Variants in MGAT4C observed in about 807,000 individuals in gnomAD.
MGAT4C encodes MGAT4 family member C, also known as alpha-1,3-mannosyl-glycoprotein 4-beta-N-acetylglucosaminyltransferase C.
Under a neutral mutation model 40.1 loss-of-function variants are expected in MGAT4C, and 19 were observed. The observed-to-expected ratio is 0.47, with a 90% confidence interval of 0.33 to 0.70. MGAT4C has a LOEUF of 0.70. MGAT4C is among the 30% of genes least tolerant of loss of function. MGAT4C has a pLI of 0.02. For synonymous variants in MGAT4C, 181 were observed against 187.1 expected (o/e 0.97, Z 0.27); for missense variants, 491 against 563.2 (o/e 0.87, Z 1.30).
At chr12:86,372,845 C>A (rs1289126341) in intron 3 of MGAT4C, among the ~76,000 whole-genome samples, 1 of 151,590 alleles carries the variant, frequency 6.6e-6, no homozygotes, top group Non-Finnish European at 1.5e-5. Flanking sequence ...TTGTCACACC[C>A]AAACTATCAA....
chr12:86,747,121 A>C (rs1951164554), intron 1 of MGAT4C, among the ~76,000 whole-genome samples: 1 of 151,646 alleles, frequency 6.6e-6, no homozygotes. Flanking sequence ...AATCTCTGAT[A>C]AACTCAGAGC....
chr12:86,490,128 C>A (rs193140263), intron 2 of MGAT4C, among the ~76,000 whole-genome samples: 1,544 of 152,192 alleles, frequency 0.01, 18 homozygotes, highest in East Asian at 0.044. Context: ...TTGTCAGATT[C>A]ACCAAAGTTG....
chr12:86,755,798 C>A (rs896537942), intron 1 of MGAT4C, among the ~76,000 whole-genome samples: 1 of 151,782 alleles, frequency 6.6e-6, no homozygotes, highest in African/African-American at 2.4e-5. Flanking sequence ...GTGCATGTGC[C>A]ACCATGCCCT....
At chr12:86,757,583 T>A (rs943671548) in intron 1 of MGAT4C, among the ~76,000 whole-genome samples, 1 of 152,104 alleles carries the variant, frequency 6.6e-6, no homozygotes, top group African/African-American at 2.4e-5. Flanking sequence ...GCTACCAGAG[T>A]GATTTGAAAA....
intron 2 of MGAT4C, among the ~76,000 whole-genome samples, chr12:86,701,009 G>T (rs1372204437): frequency 2.0e-5 from 3 of 151,978 alleles, no homozygotes; most frequent in African/African-American, 7.2e-5. Flanking sequence ...ATATTAAAAA[G>T]TTAACAACAG....
chr12:86,700,220 T>C (rs1294441715), intron 2 of MGAT4C, among the ~76,000 whole-genome samples: 1 of 150,438 alleles, frequency 6.6e-6, no homozygotes, highest in Non-Finnish European at 1.5e-5. Flanking sequence ...TAGATTAGGC[T>C]TTAGCATAAA....
intron 1 of MGAT4C, among the ~76,000 whole-genome samples, chr12:86,781,807 T>C (rs567353053): frequency 1.3e-5 from 2 of 152,314 alleles, no homozygotes; most frequent in African/African-American, 4.8e-5. Context: ...AGCTGGATAA[T>C]TTCCATAGTT....
At chr12:86,823,419 A>G (rs192807991) in intron 1 of MGAT4C, among the ~76,000 whole-genome samples, 1 of 151,402 alleles carries the variant, frequency 6.6e-6, no homozygotes, top group Admixed American at 6.6e-5. Context: ...ATTTCATGTA[A>G]TTATCTGTTA....
chr12:86,256,967 CTGTT>C (rs1185295271), upstream of MGAT4C, among the ~76,000 whole-genome samples: 2 of 152,134 alleles, frequency 1.3e-5, no homozygotes, highest in Admixed American at 6.5e-5. Flanking sequence ...GTGTTAAACA[CTGTT>C]TGCAAAGTTT....
At chr12:86,401,942 C>A (rs1212978335) in intron 3 of MGAT4C, among the ~76,000 whole-genome samples, 1 of 152,024 alleles carries the variant, frequency 6.6e-6, no homozygotes, top group Non-Finnish European at 1.5e-5. Flanking sequence ...TGTACAAGCG[C>A]TTACAAACAT....
At chr12:86,728,246 G>A (rs1415536208) in intron 1 of MGAT4C, among the ~76,000 whole-genome samples, 1 of 152,122 alleles carries the variant, frequency 6.6e-6, no homozygotes, top group Non-Finnish European at 1.5e-5. Flanking sequence ...TAGTCAAGAA[G>A]TAAGAAAATT....
intron 1 of MGAT4C, among the ~76,000 whole-genome samples, chr12:86,800,095 C>T (rs997028627): frequency 4.0e-5 from 6 of 151,880 alleles, no homozygotes; most frequent in African/African-American, 1.4e-4. Flanking sequence ...GGGCAATTAA[C>T]GTTGGAAGAT....
intron 2 of MGAT4C, among the ~76,000 whole-genome samples, chr12:86,028,491 CT>C (rs1325703047): frequency 6.6e-6 from 1 of 151,884 alleles, no homozygotes; most frequent in Non-Finnish European, 1.5e-5. Context: ...CTTTACACAA[CT>C]TTTTTTTCCC....
In MGAT4C at chr12:86,821,507, A is replaced by AT. The variant is rs1952706363; in HGVS notation, c.-262+17158dup. On this transcript the variant is annotated intron_variant, in intron 1 of 7. Transcript: ENST00000548651. ...GTTATCATTTCTTTGTGTTAGGAACATTTTAATTCCACTCTTTTAGTTATT... is the reference window on the plus strand; with the variant it reads ...GTTATCATTTCTTTGTGTTAGGAACATTTTTAATTCCACTCTTTTAGTTATT... 2.0e-5 allele frequency among the ~76,000 whole-genome samples: 3 copies of AT among 150,866 alleles called. No individual in the cohort carries two copies. The South Asian group carries it at 6.2e-4, about 31-fold the overall frequency.
chr12:86,567,265 A>G (rs1960174138), intron 2 of MGAT4C, among the ~76,000 whole-genome samples: 1 of 152,092 alleles, frequency 6.6e-6, no homozygotes, highest in African/African-American at 2.4e-5. Flanking sequence ...TGTTCCTGTG[A>G]CATTACGTTC....
At chr12:86,043,444 G>A (rs919606602) in intron 2 of MGAT4C, among the ~76,000 whole-genome samples, 7 of 152,152 alleles carry the variant, frequency 4.6e-5, no homozygotes, top group African/African-American at 1.7e-4. Flanking sequence ...TCAAGGTCAG[G>A]AAGCATCCAG....
At chr12:86,259,915 T>C (rs1001978941), upstream of MGAT4C, among the ~76,000 whole-genome samples, 6 of 4,576 alleles carry the variant, frequency 1.3e-3, no homozygotes, top group Non-Finnish European at 2.2e-3. Flanking sequence ...TTTTCCTTTT[T>C]TTGAACAACA....
chr12:86,102,073 A>G (rs1875190691), intron 1 of MGAT4C, among the ~76,000 whole-genome samples: 1 of 151,940 alleles, frequency 6.6e-6, no homozygotes, highest in South Asian at 2.1e-4. Flanking sequence ...ATAAATATTT[A>G]ATGTCTTTCA....
intron 2 of MGAT4C, among the ~76,000 whole-genome samples, chr12:86,555,580 C>T (rs924153830): frequency 2.8e-4 from 43 of 152,154 alleles, no homozygotes; most frequent in African/African-American, 9.9e-4. Context: ...GGATAGAATC[C>T]AGGGCTCGTG....
Sources: gnomAD v4.1 joint callset for allele counts (sites outside exome capture counted in the v4.1 genomes callset) on GRCh38, gnomAD v4.1.1 for gene constraint, MANE v1.5 for transcripts, NCBI Gene and HGNC (gene_info 2026-07-23, HGNC 2026-07-21) for gene names.